WWOX: variants seen among roughly 807,000 people sequenced by gnomAD.
WWOX encodes WW domain containing oxidoreductase.
In WWOX, 69 loss-of-function variants were observed where a neutral mutation model predicts 46.2. That is an observed-to-expected ratio of 1.49 (90% CI 1.23 to 1.82). The LOEUF is 1.82. Ranked by LOEUF, WWOX falls within the 40% of genes most tolerant of loss-of-function variation. The probability of loss-of-function intolerance (pLI) is 0.00; values close to 1 mark genes in which losing one functional copy is unlikely to be tolerated. For synonymous variants in WWOX, 359 were observed against 202.6 expected, an observed-to-expected ratio of 1.77 and a Z score of -6.56; for missense variants, 919 against 542.6, an observed-to-expected ratio of 1.69 and a Z score of -6.89.
intron 8 of WWOX, among the ~76,000 whole-genome samples, chr16:79,021,401 G>A (rs952560915): frequency 5.9e-5 from 9 of 152,078 alleles, no homozygotes; most frequent in Non-Finnish European, 1.3e-4. Flanking sequence ...GGTGCCCTTT[G>A]CAGAATAATG....
chr16:78,768,523 A>C (rs2049982129), intron 8 of WWOX, among the ~76,000 whole-genome samples: 1 of 151,824 alleles, frequency 6.6e-6, no homozygotes, highest in Non-Finnish European at 1.5e-5. Flanking sequence ...TTGGGAGGCA[A>C]AGGTTGCAGT....
At chr16:78,891,742 G>A (rs888434897) in intron 8 of WWOX, 6 of 151,932 alleles carry the variant, frequency 3.9e-5, no homozygotes, top group African/African-American at 1.5e-4. Flanking sequence ...GATCTTGAAA[G>A]ATGACAAATG....
chr16:78,368,334 C>A (rs1248852331), intron 5 of WWOX, among the ~76,000 whole-genome samples: 1 of 152,102 alleles, frequency 6.6e-6, no homozygotes, highest in Non-Finnish European at 1.5e-5. Context: ...GAACATATGG[C>A]CCTTAGCCAC....
intron 4 of WWOX, among the ~76,000 whole-genome samples, chr16:78,134,666 T>C (rs2033726382): frequency 1.3e-5 from 2 of 152,222 alleles, no homozygotes; most frequent in South Asian, 4.1e-4. Context: ...ACTGTTGTTA[T>C]GAGCTGCTTA....
At chr16:79,100,510 C>G (rs150730492) in intron 8 of WWOX, among the ~76,000 whole-genome samples, 2 of 152,078 alleles carry the variant, frequency 1.3e-5, no homozygotes, top group African/African-American at 4.8e-5. Flanking sequence ...TGAAGTAGAA[C>G]AAGACCTCTG....
At chr16:78,620,268 T>A (rs1325767348) in intron 8 of WWOX, among the ~76,000 whole-genome samples, 1 of 152,194 alleles carries the variant, frequency 6.6e-6, no homozygotes, top group Non-Finnish European at 1.5e-5. Context: ...TTTGTTAAGG[T>A]ACAGAAGAGG....
chr16:79,145,573 C>G (rs2050169295), intron 8 of WWOX, among the ~76,000 whole-genome samples: 1 of 152,168 alleles, frequency 6.6e-6, no homozygotes, highest in Non-Finnish European at 1.5e-5. Flanking sequence ...CAAGAATATT[C>G]ATGATAGCTG....
At chr16:78,978,820 T>C (rs2151331211) in intron 8 of WWOX, among the ~76,000 whole-genome samples, 1 of 152,244 alleles carries the variant, frequency 6.6e-6, no homozygotes, top group South Asian at 2.1e-4. Context: ...TCCTCATGAC[T>C]CAGTCACCTC....
intron 8 of WWOX, among the ~76,000 whole-genome samples, chr16:78,721,437 A>G (rs1202718091): frequency 6.6e-6 from 1 of 152,186 alleles, no homozygotes; most frequent in Non-Finnish European, 1.5e-5. Flanking sequence ...GCTGGAGAGT[A>G]TTCAGCTGTC....
At chr16:78,458,466 G>T (rs2083878800) in intron 8 of WWOX, among the ~76,000 whole-genome samples, 1 of 151,858 alleles carries the variant, frequency 6.6e-6, no homozygotes, top group Non-Finnish European at 1.5e-5. Flanking sequence ...TCCCTATGTT[G>T]CCCAGGCTGG....
intron 8 of WWOX, among the ~76,000 whole-genome samples, chr16:78,646,712 G>T (rs1328371862): frequency 6.6e-6 from 1 of 152,182 alleles, no homozygotes; most frequent in Non-Finnish European, 1.5e-5. Context: ...ACAGGCCATT[G>T]TGCCTGGCGT....
intron 8 of WWOX, among the ~76,000 whole-genome samples, chr16:78,504,003 A>T (rs1005577434): frequency 2.6e-5 from 4 of 152,240 alleles, no homozygotes; most frequent in African/African-American, 7.2e-5. Flanking sequence ...GGGTGTGATG[A>T]AATAAATAAC....
At chr16:78,578,447 G>A (rs983151353) in intron 8 of WWOX, among the ~76,000 whole-genome samples, 1 of 150,416 alleles carries the variant, frequency 6.6e-6, no homozygotes, top group Non-Finnish European at 1.5e-5. Context: ...CCACCACCAT[G>A]CCTGGCTAAT....
intron 5 of WWOX, among the ~76,000 whole-genome samples, chr16:78,329,254 G>C (rs2080704073): frequency 6.6e-6 from 1 of 152,184 alleles, no homozygotes; most frequent in African/African-American, 2.4e-5. Context: ...TCATTTCCTT[G>C]AGATGGTAGT....
intron 8 of WWOX, among the ~76,000 whole-genome samples, chr16:79,055,767 G>A (rs1225748839): frequency 1.3e-5 from 2 of 152,184 alleles, no homozygotes; most frequent in African/African-American, 4.8e-5. Flanking sequence ...TTTTATGGCA[G>A]TACAAAGTAT....
chr16:78,550,050 G>T (rs533635756), intron 8 of WWOX, among the ~76,000 whole-genome samples: 6 of 152,344 alleles, frequency 3.9e-5, no homozygotes, highest in African/African-American at 1.4e-4. Context: ...GTTCATGGTT[G>T]AATGAAGTTA....
intron 8 of WWOX, among the ~76,000 whole-genome samples, chr16:78,916,267 T>G (rs769817670): frequency 1.1e-3 from 170 of 152,310 alleles, no homozygotes; most frequent in Non-Finnish European, 1.8e-3. Context: ...CAGCGCTTTC[T>G]ACTGCAGGGG....
At chr16:78,676,535 G>C (rs2047604358) in intron 8 of WWOX, among the ~76,000 whole-genome samples, 1 of 151,874 alleles carries the variant, frequency 6.6e-6, no homozygotes, top group Admixed American at 6.6e-5. Flanking sequence ...CCAACTCAAA[G>C]TCTACAGTCT....
chr16:78,779,278 G>A (rs2050267576), intron 8 of WWOX, among the ~76,000 whole-genome samples: 2 of 152,128 alleles, frequency 1.3e-5, no homozygotes, highest in South Asian at 4.1e-4. Flanking sequence ...CTGAGTAGCT[G>A]GGACTACAGG....
Sources: allele counts gnomAD v4.1 joint callset (sites outside exome capture counted in the v4.1 genomes callset), GRCh38; gene constraint gnomAD v4.1.1; transcripts MANE v1.5; gene names NCBI Gene and HGNC (gene_info 2026-07-23, HGNC 2026-07-21).